SORBS2: variants seen among roughly 807,000 people sequenced by gnomAD.
SORBS2 encodes the protein sorbin and SH3 domain containing 2.
In SORBS2, 46 loss-of-function variants were observed where a neutral mutation model predicts 97.7. The observed-to-expected ratio is 0.47, with a 90% CI of 0.37 to 0.60. The LOEUF is 0.60. Ranked by LOEUF, SORBS2 falls within the 20% of genes least tolerant of loss-of-function variation. The pLI, the probability that SORBS2 is intolerant of heterozygous loss-of-function variation, is 0.00. For synonymous variants in SORBS2, 476 were observed against 473.4 expected (o/e 1.01, Z -0.07); for missense variants, 1,316 against 1,282.3 (o/e 1.03, Z -0.40).
chr4:185,752,632 T>C (rs1039659561), intron 2 of SORBS2, among the ~76,000 whole-genome samples: 4 of 152,202 alleles, frequency 2.6e-5, no homozygotes, highest in Non-Finnish European at 5.9e-5. Context: ...CTTAAAAAAC[T>C]GAAATTACTT....
rs147108068 is a variant in SORBS2, at chr4:185,668,934, G to T, written c.-45-6692C>A. Among the ~76,000 whole-genome samples, 99 of 152,366 alleles carry T rather than the reference G, an allele frequency of 6.5e-4. No homozygotes were observed. In the Middle Eastern group the frequency reaches 0.01, roughly 16 times the overall value. ...GGGTAATGAGAAACACCAGCTAGCA[G>T]CCAGGGGCTGCCTGGTCTTCTGCAA... is the stretch of plus-strand genomic sequence containing the variant. On this transcript the variant is annotated intron_variant, in intron 4 of 20. Transcript: ENST00000284776.
intron 1 of SORBS2, among the ~76,000 whole-genome samples, chr4:185,888,311 A>G (rs183466308): frequency 6.6e-6 from 1 of 152,222 alleles, no homozygotes; most frequent in East Asian, 1.9e-4. Context: ...ATGTGTCCCT[A>G]GAAACGAGGG....
At chr4:185,605,575 A>T (rs2310321) in intron 12 of SORBS2, among the ~76,000 whole-genome samples, 1 of 151,610 alleles carries the variant, frequency 6.6e-6, no homozygotes, top group East Asian at 1.9e-4. Context: ...AAGCCACCGC[A>T]GCTGGCCTTA....
intron 1 of SORBS2, among the ~76,000 whole-genome samples, chr4:185,886,334 T>C (rs909291084): frequency 6.6e-6 from 1 of 151,864 alleles, no homozygotes; most frequent in Non-Finnish European, 1.5e-5. Flanking sequence ...GGTGGGCAGA[T>C]TACAAGGTCA....
intron 2 of SORBS2, among the ~76,000 whole-genome samples, chr4:185,730,837 G>A (rs1459364838): frequency 6.6e-6 from 1 of 152,224 alleles, no homozygotes; most frequent in African/African-American, 2.4e-5. Context: ...GGGAACAGGT[G>A]AGTATGTATC....
chr4:185,819,648 A>G (rs1157733124), intron 1 of SORBS2, among the ~76,000 whole-genome samples: 1 of 152,202 alleles, frequency 6.6e-6, no homozygotes, highest in East Asian at 1.9e-4. Context: ...GGACATTGTC[A>G]GTGAGCCTTT....
At chr4:185,673,682 CG>C (rs1176384063) in intron 4 of SORBS2, among the ~76,000 whole-genome samples, 1 of 152,098 alleles carries the variant, frequency 6.6e-6, no homozygotes, top group Non-Finnish European at 1.5e-5. Context: ...AACTGCTGCT[CG>C]GGGAGGGTGA....
intron 1 of SORBS2, among the ~76,000 whole-genome samples, chr4:185,803,522 T>A (rs1260404204): frequency 1.3e-5 from 2 of 152,198 alleles, no homozygotes; most frequent in South Asian, 4.1e-4. Flanking sequence ...TTTTTCAAAC[T>A]AAACTATATT....
At position 185,684,897 on chromosome 4, in the gene SORBS2, G is replaced by C; in HGVS notation, c.-197-6075C>G. 7.4e-7 allele frequency: 1 copy of C among 1,346,076 alleles called. No homozygotes were observed. The highest frequency in any genetic ancestry group is 2.0e-5 in the Admixed American group (1 of 49,706). The allele number at this position is 1,346,076 out of a possible 1,614,324, so 83.4% of individuals were successfully genotyped here. ...GAGGCCAAGGCAACGGGAAAAGCACGTGCAATATCATGCGTTTTAAGAGAA... is the reference window on the plus strand; with the variant it reads ...GAGGCCAAGGCAACGGGAAAAGCACCTGCAATATCATGCGTTTTAAGAGAA... On this transcript the variant is annotated intron_variant, in intron 2 of 20. Transcript: ENST00000284776. This position sits in a 1 kb window ranked among gnomAD's most constrained non-coding sequence, Gnocchi z 4.2.
intron 9 of SORBS2, among the ~76,000 whole-genome samples, chr4:185,616,576 G>A (rs1021059422): frequency 2.0e-5 from 3 of 151,930 alleles, no homozygotes; most frequent in Non-Finnish European, 4.4e-5. Context: ...TGAATCAGAG[G>A]CAACCAATTT....
At chr4:185,779,019 G>A (rs2099014415) in intron 1 of SORBS2, among the ~76,000 whole-genome samples, 1 of 152,226 alleles carries the variant, frequency 6.6e-6, no homozygotes, top group Non-Finnish European at 1.5e-5. Context: ...CCTGAGCGTT[G>A]TGTGTTTCAC....
chr4:185,846,622 T>C (rs550153933), intron 1 of SORBS2, among the ~76,000 whole-genome samples: 16 of 152,324 alleles, frequency 1.1e-4, no homozygotes, highest in African/African-American at 3.6e-4. Flanking sequence ...GCTTTGGCAA[T>C]CCTATTGGGA....
At chr4:185,691,798 G>T (rs984080882) in intron 2 of SORBS2, among the ~76,000 whole-genome samples, 1 of 152,100 alleles carries the variant, frequency 6.6e-6, no homozygotes, top group Non-Finnish European at 1.5e-5. Flanking sequence ...AGGCTGGAGT[G>T]CAGTGGTGCG....
intron 1 of SORBS2, among the ~76,000 whole-genome samples, chr4:185,884,058 C>A (rs1041690005): frequency 6.6e-6 from 1 of 152,108 alleles, no homozygotes; most frequent in Non-Finnish European, 1.5e-5. Flanking sequence ...GTTCAAGGTA[C>A]CTTCCAAAGG....
At chr4:185,880,400 G>A (rs1465021827) in intron 1 of SORBS2, among the ~76,000 whole-genome samples, 1 of 152,122 alleles carries the variant, frequency 6.6e-6, no homozygotes, top group Non-Finnish European at 1.5e-5. Flanking sequence ...CTTGAAAAAA[G>A]CCATCTTATT....
chr4:185,589,686 C>G lies in SORBS2; in HGVS notation c.2946G>C (p.Trp982Cys). The change falls in exon 14 of 15, where the codon TGG becomes TGC. Residue 982 changes from tryptophan to cysteine, a missense_variant. By Grantham distance (215) the Trp-to-Cys change is radical (BLOSUM62 -2). Coordinates refer to ENST00000418609, the Ensembl canonical transcript of SORBS2. ...AGGAAGAAGCGCACATACCCACAAA[C>G]CAGCCGTCATCACACTTTTCCATGA... The G allele has an allele frequency of 6.2e-7, 1 of 1,603,134 alleles. No individual in the cohort carries two copies. Among genetic ancestry groups the G allele is most frequent in the African/African-American group, 1.3e-5 (1 of 74,722 alleles).
chr4:185,897,726 G>C (rs533776743), intron 1 of SORBS2, among the ~76,000 whole-genome samples: 2 of 152,112 alleles, frequency 1.3e-5, no homozygotes, highest in South Asian at 2.1e-4. Flanking sequence ...AAACCAGCAC[G>C]AGAGGGCGTT....
chr4:185,626,753 C>T (rs527449675), intron 6 of SORBS2, 79 bp downstream of exon 18: 2 of 1,355,738 alleles, frequency 1.5e-6, no homozygotes, highest in African/African-American at 2.9e-5. Context: ...ATGCCACTAT[C>T]ACTGGGCCAG....
chr4:185,795,510 C>T (rs947404046), intron 1 of SORBS2, among the ~76,000 whole-genome samples: 1 of 152,140 alleles, frequency 6.6e-6, no homozygotes, highest in African/African-American at 2.4e-5. Context: ...GGCTCCCGGG[C>T]ACCTGCCTTG....
Sources: allele counts gnomAD v4.1 joint callset (sites outside exome capture counted in the v4.1 genomes callset), GRCh38; gene constraint gnomAD v4.1.1; non-coding constraint Gnocchi (gnomAD v3.1); transcripts MANE v1.5; gene names NCBI Gene and HGNC (gene_info 2026-07-23, HGNC 2026-07-21).